Variants in MAPK10 observed in about 807,000 individuals in gnomAD.
MAPK10 encodes JNK3 alpha protein kinase.
Under a neutral mutation model 59.3 loss-of-function variants are expected in MAPK10, and 25 were observed. The ratio of observed to expected loss-of-function variants is 0.42; its 90% CI spans 0.31 to 0.59. The LOEUF (loss-of-function observed/expected upper bound fraction) is 0.59. Among genes scored for constraint, MAPK10 ranks in the 20% least tolerant of loss-of-function variants. MAPK10 has a pLI of 0.15. For missense variants in MAPK10, 351 were observed against 568.9 expected, an observed-to-expected ratio of 0.62 and a Z score of 3.90; for synonymous variants, 190 against 200.5, an observed-to-expected ratio of 0.95 and a Z score of 0.44.
At chr4:86,214,852 T>C (rs1485250045) in intron 2 of MAPK10, among the ~76,000 whole-genome samples, 3 of 152,166 alleles carry the variant, frequency 2.0e-5, no homozygotes, top group East Asian at 1.9e-4. Context: ...CAAAGCTATA[T>C]GCAAACTCAA....
chr4:86,319,954 T>C (rs901968678), intron 2 of MAPK10, among the ~76,000 whole-genome samples: 1 of 152,230 alleles, frequency 6.6e-6, no homozygotes, highest in African/African-American at 2.4e-5. Context: ...TTCCAAAATA[T>C]ACCACTTACA....
chr4:86,178,893 A>C (rs2076270151), intron 3 of MAPK10, among the ~76,000 whole-genome samples: 1 of 152,164 alleles, frequency 6.6e-6, no homozygotes, highest in African/African-American at 2.4e-5. Flanking sequence ...ACGAACAACA[A>C]ACTAGCTAAA....
intron 1 of MAPK10, among the ~76,000 whole-genome samples, chr4:86,510,623 C>A (rs988724687): frequency 4.0e-5 from 6 of 151,422 alleles, no homozygotes; most frequent in African/African-American, 1.2e-4. Context: ...ATGAATATAT[C>A]TATATACATG....
chr4:86,124,854 C>G (rs922289592), intron 4 of MAPK10: 1 of 151,608 alleles, frequency 6.6e-6, no homozygotes, highest in Non-Finnish European at 1.5e-5. Context: ...ATTTTAAAGG[C>G]CTATAATTTT....
intron 2 of MAPK10, among the ~76,000 whole-genome samples, chr4:86,261,425 A>G (rs2093975439): frequency 6.6e-6 from 1 of 152,270 alleles, no homozygotes; most frequent in East Asian, 1.9e-4. Context: ...ACTTTTCTCT[A>G]GTTCTGTTTG....
intron 1 of MAPK10, among the ~76,000 whole-genome samples, chr4:86,433,694 G>A (rs1025357798): frequency 7.3e-5 from 11 of 150,246 alleles, no homozygotes; most frequent in Non-Finnish European, 1.5e-4. Flanking sequence ...ATGAACTATC[G>A]CACCCAGCCT....
At chr4:86,316,133 C>A (rs117999005) in intron 2 of MAPK10, among the ~76,000 whole-genome samples, 1 of 152,104 alleles carries the variant, frequency 6.6e-6, no homozygotes, top group East Asian at 1.9e-4. Flanking sequence ...ATTTTCATTC[C>A]TCCAGAATCG....
intron 3 of MAPK10, among the ~76,000 whole-genome samples, chr4:86,189,982 T>C (rs1454774377): frequency 6.6e-6 from 1 of 152,208 alleles, no homozygotes; most frequent in Admixed American, 6.5e-5. Context: ...ATCGAAGGCC[T>C]TTTCTGCATC....
intron 1 of MAPK10, among the ~76,000 whole-genome samples, chr4:86,559,866 G>A (rs1314468124): frequency 1.3e-5 from 2 of 151,376 alleles, no homozygotes; most frequent in African/African-American, 4.9e-5. Flanking sequence ...TTGAACCTGG[G>A]AGGCAGAGAT....
At chr4:86,375,623 G>T (rs1739659625) in intron 1 of MAPK10, among the ~76,000 whole-genome samples, 2 of 138,800 alleles carry the variant, frequency 1.4e-5, no homozygotes, top group Non-Finnish European at 3.0e-5. Flanking sequence ...GTAGGGATGA[G>T]AGAATCACTT....
intron 2 of MAPK10, among the ~76,000 whole-genome samples, chr4:86,210,877 A>T (rs2085584710): frequency 6.6e-6 from 1 of 151,782 alleles, no homozygotes. Context: ...AAAAATATTA[A>T]TAAAGAAAAA....
intron 1 of MAPK10, among the ~76,000 whole-genome samples, chr4:86,484,143 G>A (rs949736527): frequency 5.3e-5 from 8 of 152,162 alleles, no homozygotes; most frequent in South Asian, 2.1e-4. Flanking sequence ...CCTTGAAGCC[G>A]AGAGAATTTA....
At chr4:86,517,746 C>T in intron 1 of MAPK10, among the ~76,000 whole-genome samples, 1 of 152,040 alleles carries the variant, frequency 6.6e-6, no homozygotes. Flanking sequence ...GGAGGATTGC[C>T]TCTATCTGTA....
intron 11 of MAPK10, among the ~76,000 whole-genome samples, chr4:86,053,281 C>G (rs1035241910): frequency 2.0e-5 from 3 of 152,104 alleles, no homozygotes; most frequent in African/African-American, 4.8e-5. Context: ...ATGCTCTTTA[C>G]TGAAAACACA....
chr4:86,415,328 G>A (rs539706539), intron 1 of MAPK10, among the ~76,000 whole-genome samples: 30 of 152,194 alleles, frequency 2.0e-4, no homozygotes, highest in African/African-American at 6.3e-4. Flanking sequence ...GCATAGAAAC[G>A]TCAGCTTAAC....
intron 2 of MAPK10, chr4:86,332,730 A>G (rs1278961817): frequency 6.6e-5 from 10 of 152,200 alleles, no homozygotes; most frequent in Admixed American, 6.5e-4. Flanking sequence ...TAACCAACCT[A>G]GACAAAAGCC....
intron 11 of MAPK10, chr4:86,044,725 T>C (rs1408505248): frequency 7.5e-6 from 3 of 397,668 alleles, no homozygotes; most frequent in Non-Finnish European, 8.9e-6. Flanking sequence ...GCAGGGAGAA[T>C]CTCTGAGCCT....
At chr4:86,458,793 A>G (rs1377195313) in intron 1 of MAPK10, among the ~76,000 whole-genome samples, 1 of 152,240 alleles carries the variant, frequency 6.6e-6, no homozygotes, top group Non-Finnish European at 1.5e-5. Flanking sequence ...ACTTAAATCC[A>G]AGACCTGAAA....
chr4:86,240,647 C>T (rs999147123), intron 2 of MAPK10, among the ~76,000 whole-genome samples: 3 of 151,354 alleles, frequency 2.0e-5, no homozygotes, highest in African/African-American at 7.3e-5. Flanking sequence ...TTGTCAAAGA[C>T]TAGGATTGCA....
Sources: allele counts gnomAD v4.1 joint callset (sites outside exome capture counted in the v4.1 genomes callset), GRCh38; gene constraint gnomAD v4.1.1; transcripts MANE v1.5; gene names NCBI Gene and HGNC (gene_info 2026-07-23, HGNC 2026-07-21).